CSPP1: variants seen among roughly 807,000 people sequenced by gnomAD.
CSPP1 encodes centrosome and spindle pole associated protein 1.
CSPP1 carries 126 observed loss-of-function variants against 164.4 expected under a neutral mutation model. That is an observed-to-expected ratio of 0.77 (90% CI 0.66 to 0.89). The LOEUF is 0.89. CSPP1 is among the 40% of genes least tolerant of loss of function. CSPP1 has a pLI of 0.00. For synonymous variants in CSPP1, 472 were observed against 476.7 expected, an observed-to-expected ratio of 0.99 and a Z score of 0.13; for missense variants, 1,395 against 1,449.8, an observed-to-expected ratio of 0.96 and a Z score of 0.61.
At chr8:67,080,319 T>C (rs1808879527) in intron 3 of CSPP1, among the ~76,000 whole-genome samples, 1 of 152,258 alleles carries the variant, frequency 6.6e-6, no homozygotes, top group South Asian at 2.1e-4. Flanking sequence ...ATACTCATTT[T>C]ATCCAATGAA....
intron 15 of CSPP1, among the ~76,000 whole-genome samples, chr8:67,126,838 A>G (rs1487379790): frequency 6.6e-6 from 1 of 152,046 alleles, no homozygotes; most frequent in Non-Finnish European, 1.5e-5. Flanking sequence ...CTATGATGTT[A>G]AGTAATTACT....
rs955426257 is a variant in CSPP1 at position 67,105,841 on chromosome 8, A to C, written c.1023-64A>C. ...ATTCATAGCTACATTTTACTCTGAAATTTTGCTTCCTGAAAATTATCTGGA... is the reference window on the plus strand; with the variant it reads ...ATTCATAGCTACATTTTACTCTGAACTTTTGCTTCCTGAAAATTATCTGGA... On this transcript the variant is annotated intron_variant, in intron 8 of 30. Coordinates refer to ENST00000678616, the MANE Select transcript of CSPP1 (RefSeq NM_001382391.1). The C allele has an allele frequency of 7.9e-5, 69 of 877,502 alleles. 3 individuals are homozygous for C. Among genetic ancestry groups the C allele is most frequent in the Admixed American group, 1.8e-5 (1 of 54,990 alleles). 54.4% of individuals were successfully genotyped at this position (877,502 alleles called of 1,614,324 possible). A position where few individuals can be genotyped will look rare whatever the true frequency, so the allele number is the denominator to read the frequency against.
intron 2 of CSPP1, among the ~76,000 whole-genome samples, chr8:67,075,991 G>C (rs1389013972): frequency 6.6e-6 from 1 of 151,926 alleles, no homozygotes; most frequent in South Asian, 2.1e-4. Context: ...ACATTAATTT[G>C]TACATAAATA....
chr8:67,153,998 T>C, intron 18 of CSPP1, 26 bp from the exon 19 acceptor site: 1 of 1,146,922 alleles, frequency 8.7e-7, no homozygotes, highest in Non-Finnish European at 1.3e-6. Context: ...GCTAATAGTA[T>C]GTTTTTGCAA....
intron 17 of CSPP1, among the ~76,000 whole-genome samples, chr8:67,139,774 A>G (rs971815756): frequency 1.3e-5 from 2 of 152,280 alleles, no homozygotes; most frequent in Middle Eastern, 6.8e-3. Context: ...GTTCTCACTC[A>G]TAGGTGGGAA....
rs377588679 is a variant in CSPP1 at position 67,177,311 on chromosome 8, A to G, written c.3110-369A>G. The stretch of plus-strand genomic sequence containing the variant: ...CTCTGGAACTAAGTGCCTGGAATTG[A>G]GCTTATTTCAGTTCCATGTGAGGGA... On this transcript the variant is annotated intron_variant, in intron 26 of 30. Coordinates refer to ENST00000678616, the MANE Select transcript of CSPP1 (RefSeq NM_001382391.1). Among the ~76,000 whole-genome samples the G allele has an allele frequency of 3.5e-4, 53 of 152,252 alleles. No individual in the cohort carries two copies. The East Asian group carries it at 3.7e-3, about 11-fold the overall frequency.
intron 15 of CSPP1, among the ~76,000 whole-genome samples, chr8:67,129,236 T>G (rs2129553596): frequency 6.6e-6 from 1 of 152,276 alleles, no homozygotes; most frequent in Non-Finnish European, 1.5e-5. Context: ...ATGATAGATT[T>G]AAAATATTCC....
chr8:67,127,040 A>G (rs529086130), intron 15 of CSPP1, among the ~76,000 whole-genome samples: 3 of 152,128 alleles, frequency 2.0e-5, no homozygotes, highest in South Asian at 4.2e-4. Context: ...TTTCACAGCA[A>G]CTGTCTTTGG....
chr8:67,064,458 G>C lies in CSPP1; in HGVS notation c.-91G>C. ...CTTCGGTCCGCGACGATCCTCTAGA[G>C]CACTGTGTGTCTCCCCGGACGCGAG... On this transcript the variant is annotated 5_prime_UTR_variant, in exon 1 of 31. Transcript: ENST00000678616. 1 of 1,614,004 alleles carries C rather than the reference G, an allele frequency of 6.2e-7. No homozygotes were observed. The highest frequency in any genetic ancestry group is 8.5e-7 in the Non-Finnish European group (1 of 1,179,926).
intron 17 of CSPP1, among the ~76,000 whole-genome samples, chr8:67,140,816 T>C (rs1823343747): frequency 6.6e-6 from 1 of 152,200 alleles, no homozygotes; most frequent in African/African-American, 2.4e-5. Flanking sequence ...GTTTCATTCC[T>C]TCATTTTAGA....
At chr8:67,142,532 TC>T (rs1823716567) in intron 17 of CSPP1, among the ~76,000 whole-genome samples, 1 of 152,218 alleles carries the variant, frequency 6.6e-6, no homozygotes, top group Non-Finnish European at 1.5e-5. Context: ...TATTACATTT[TC>T]TGAAGGTATC....
At chr8:67,178,632 T>C (rs1832257067) in intron 27 of CSPP1, among the ~76,000 whole-genome samples, 1 of 152,098 alleles carries the variant, frequency 6.6e-6, no homozygotes, top group South Asian at 2.1e-4. Flanking sequence ...GCTCACTGGG[T>C]AGGCAACATT....
chr8:67,172,699 A>G, intron 25 of CSPP1, 144 bp downstream of exon 25: 2 of 691,166 alleles, frequency 2.9e-6, no homozygotes. Flanking sequence ...AAACTTATGT[A>G]TTCTCTAGGT....
chr8:67,155,431 T>C (rs1826482913), intron 19 of CSPP1, among the ~76,000 whole-genome samples: 1 of 152,176 alleles, frequency 6.6e-6, no homozygotes, highest in Non-Finnish European at 1.5e-5. Flanking sequence ...CTCAAACATA[T>C]CTTCTTTTTA....
intron 4 of CSPP1, chr8:67,086,864 A>G: frequency 7.5e-7 from 1 of 1,331,740 alleles, no homozygotes. Flanking sequence ...TGTCTGCAAT[A>G]CGTCCTCCTT....
At chr8:67,181,447 G>A (rs1228626844) in intron 28 of CSPP1, among the ~76,000 whole-genome samples, 2 of 150,058 alleles carry the variant, frequency 1.3e-5, no homozygotes, top group East Asian at 4.0e-4. Context: ...AAGATTGCTT[G>A]TCAGGGAAAT....
chr8:67,164,771 A>T (rs1828993275), intron 24 of CSPP1, among the ~76,000 whole-genome samples: 1 of 152,200 alleles, frequency 6.6e-6, no homozygotes, highest in South Asian at 2.1e-4. Flanking sequence ...TTAATAACGT[A>T]GCTTTCTGAA....
rs371048437 is a variant in CSPP1 at position 67,085,729 on chromosome 8, TA to T, written c.200-272del. On this transcript the variant is annotated intron_variant, in intron 3 of 30. Coordinates refer to ENST00000678616, the MANE Select transcript of CSPP1 (RefSeq NM_001382391.1). ...TAAAAGTATCTGTTTATAGGTGCAT[TA>T]AAAAATTATCTGCATGGAGACAAGA... Among the ~76,000 whole-genome samples, 118 of 152,252 alleles carry T rather than the reference TA, an allele frequency of 7.8e-4. 1 individual carries two copies. Among genetic ancestry groups the T allele is most frequent in the African/African-American group, 2.7e-3 (111 of 41,574 alleles).
chr8:67,177,147 A>G (rs554177500), intron 26 of CSPP1, among the ~76,000 whole-genome samples: 1 of 152,226 alleles, frequency 6.6e-6, no homozygotes, highest in African/African-American at 2.4e-5. Context: ...ATATCTGAGA[A>G]GGAATACAGG....
Sources: allele counts gnomAD v4.1 joint callset (sites outside exome capture counted in the v4.1 genomes callset), GRCh38; gene constraint gnomAD v4.1.1; transcripts MANE v1.5; gene names NCBI Gene and HGNC (gene_info 2026-07-23, HGNC 2026-07-21).